The following PLS3 variants were observed in gnomAD, a reference collection of about 807,000 sequenced individuals.
PLS3 encodes plastin-3.
In PLS3, 11 loss-of-function variants were observed where a neutral mutation model predicts 46.5. The observed-to-expected ratio is 0.24, with a 90% CI of 0.15 to 0.39. The LOEUF is 0.39. Among genes scored for constraint, PLS3 ranks in the 10% least tolerant of loss-of-function variants. PLS3 has a pLI of 1.00. For synonymous variants in PLS3, 167 were observed against 162.2 expected (o/e 1.03, Z -0.22); for missense variants, 308 against 461.8 (o/e 0.67, Z 3.05).
intron 7 of PLS3, among the ~76,000 whole-genome samples, chrX:115,636,214 T>G (rs1035010299): frequency 2.8e-4 from 29 of 102,880 alleles, no homozygotes; most frequent in Non-Finnish European, 5.0e-4. Context: ...ACTTTTTTTT[T>G]TTTTTTTTTT....
At chrX:115,584,595 T>C (rs1556632197) in intron 1 of PLS3, among the ~76,000 whole-genome samples, 2 of 112,043 alleles carry the variant, frequency 1.8e-5, no homozygotes, top group South Asian at 3.7e-4. Context: ...ATCAGTGTTA[T>C]ACTTAGGCCT....
chrX:115,567,709 C>CTTTTT (rs782653479), intron 1 of PLS3, among the ~76,000 whole-genome samples: 10 of 81,946 alleles, frequency 1.2e-4, no homozygotes, highest in Non-Finnish European at 1.6e-4. Flanking sequence ...TTTTCTTCTT[C>CTTTTT]TTTTTTTTTT....
At chrX:115,565,613 T>C (rs1417647927) in intron 1 of PLS3, among the ~76,000 whole-genome samples, 1 of 112,214 alleles carries the variant, frequency 8.9e-6, no homozygotes, top group African/African-American at 3.2e-5. Context: ...TGCTGGGTTT[T>C]ATTTTTTCAA....
chrX:115,643,333 A>C lies in PLS3; in HGVS notation c.1008A>C (p.Arg336Ser). 8.4e-7 allele frequency: 1 copy of C among 1,196,159 alleles called. No homozygotes were observed. The highest frequency in any genetic ancestry group is 1.1e-6 in the Non-Finnish European group (1 of 882,271). The change falls in exon 10 of 16, where the codon AGA (arginine) becomes AGC (serine). Residue 336 changes from arginine to serine, a missense_variant. Arg to Ser is a moderately radical substitution (Grantham distance 110). Transcript: ENST00000355899. ...AACAGGAAACAGATGATTTGAAGAG[A>C]GCTGAGAGTATGCTTCAACAAGCAG... is the stretch of plus-strand genomic sequence containing the variant. ...SGFNETDDLKRAESMLQQADK... is the reference protein window; with the variant it reads ...SGFNETDDLKSAESMLQQADK...
At chrX:115,607,601 C>T (rs2074506995) in intron 1 of PLS3, among the ~76,000 whole-genome samples, 2 of 109,075 alleles carry the variant, frequency 1.8e-5, no homozygotes, top group South Asian at 4.0e-4. Flanking sequence ...CAGGTTCAAG[C>T]GATTCTCCTG....
intron 13 of PLS3, among the ~76,000 whole-genome samples, 161 bp downstream of exon 13, chrX:115,646,696 T>C (rs781809173): frequency 3.6e-5 from 4 of 112,537 alleles, no homozygotes; most frequent in Non-Finnish European, 3.7e-5. Flanking sequence ...TGTTGGATGT[T>C]AAGTGGGAGA....
At chrX:115,640,609 A>T (rs1556640896) in intron 9 of PLS3, 106 bp downstream of exon 9, 1 of 461,531 alleles carries the variant, frequency 2.2e-6, no homozygotes, top group African/African-American at 2.4e-5. Flanking sequence ...TGGCAATTTT[A>T]AGCATTATTT....
intron 3 of PLS3, chrX:115,624,284 G>A (rs781838796): frequency 5.9e-5 from 6 of 102,142 alleles, no homozygotes; most frequent in Non-Finnish European, 7.9e-5. Context: ...TAATGATATC[G>A]TTCCTGCCGT....
chrX:115,614,444 A>G, intron 2 of PLS3: 5 of 753,454 alleles, frequency 6.6e-6, no homozygotes, highest in Non-Finnish European at 7.8e-6. Context: ...CCACTAGTAC[A>G]GTGAATTCTA....
chrX:115,590,574 C>T (rs2074337782), intron 1 of PLS3, among the ~76,000 whole-genome samples: 2 of 112,158 alleles, frequency 1.8e-5, no homozygotes, highest in South Asian at 3.7e-4. Flanking sequence ...AATCCCAGCA[C>T]TTTGGGAGGC....
intron 5 of PLS3, among the ~76,000 whole-genome samples, chrX:115,633,224 G>T (rs2074796185): frequency 9.2e-6 from 1 of 108,734 alleles, no homozygotes; most frequent in Non-Finnish European, 1.9e-5. Flanking sequence ...AGGATGAAGT[G>T]CAGTGGCATG....
intron 11 of PLS3, 144 bp downstream of exon 11, chrX:115,645,243 T>C (rs1375018960): frequency 2.2e-6 from 1 of 464,736 alleles, no homozygotes; most frequent in African/African-American, 2.4e-5. Context: ...CATCATCATT[T>C]TCCAAATACA....
At chrX:115,581,064 T>A (rs2074277119) in intron 1 of PLS3, among the ~76,000 whole-genome samples, 1 of 111,130 alleles carries the variant, frequency 9.0e-6, no homozygotes, top group Admixed American at 9.7e-5. Context: ...ATAACATGAA[T>A]GACCTTTTTT....
intron 10 of PLS3, 98 bp downstream of exon 10, chrX:115,643,606 T>A: frequency 4.1e-6 from 2 of 484,486 alleles, no homozygotes; most frequent in Non-Finnish European, 6.9e-6. Flanking sequence ...TTTTTTTATA[T>A]CTACAAGAAG....
Position 115,626,431 on chromosome X carries a change from T to G in PLS3, c.238-2767T>G, listed in dbSNP as rs1194872253. Reference sequence around the variant, plus strand: ...TCCAGAGTAGCTGGGATTACAGGCATGCGCCACCACGACCGGCTAATTTTG... The same window carrying G: ...TCCAGAGTAGCTGGGATTACAGGCAGGCGCCACCACGACCGGCTAATTTTG... On this transcript the variant is annotated intron_variant, in intron 3 of 15. Transcript: ENST00000355899. 1.0e-4 allele frequency among the ~76,000 whole-genome samples: 11 copies of G among 109,642 alleles called. No individual in the cohort carries two copies. The Admixed American group carries it at 1.1e-3, about 11-fold the overall frequency.
chrX:115,587,849 C>T (rs1199300195), intron 1 of PLS3, among the ~76,000 whole-genome samples: 2 of 112,064 alleles, frequency 1.8e-5, no homozygotes, highest in Non-Finnish European at 3.8e-5. Context: ...AAGTGTGCCT[C>T]TCACTGCAAG....
At chrX:115,586,747 G>A (rs1354580614) in intron 1 of PLS3, among the ~76,000 whole-genome samples, 1 of 110,507 alleles carries the variant, frequency 9.0e-6, no homozygotes, top group Non-Finnish European at 1.9e-5. Context: ...ATAAAGTCTT[G>A]CCTTTTAGAC....
At chrX:115,620,707 T>A (rs1402957884) in intron 2 of PLS3, among the ~76,000 whole-genome samples, 1 of 67,139 alleles carries the variant, frequency 1.5e-5, no homozygotes, top group Non-Finnish European at 2.7e-5. Context: ...TTTTCTTTTC[T>A]TTTTTTTTTT....
chrX:115,637,981 G>A (rs1258457639), intron 8 of PLS3, among the ~76,000 whole-genome samples: 3 of 111,370 alleles, frequency 2.7e-5, no homozygotes, highest in Non-Finnish European at 5.6e-5. Context: ...GTCTCACTTC[G>A]TCACCCAGGC....
Sources: gnomAD v4.1 joint callset for allele counts (sites outside exome capture counted in the v4.1 genomes callset) on GRCh38, gnomAD v4.1.1 for gene constraint, MANE v1.5 for transcripts, NCBI Gene and HGNC (gene_info 2026-07-23, HGNC 2026-07-21) for gene names.